TIE1: variants seen among roughly 807,000 people sequenced by gnomAD.
TIE1 encodes the protein tyrosine kinase with immunoglobulin like and EGF like domains 1.
In TIE1, 89 loss-of-function variants were observed where a neutral mutation model predicts 130.5. The ratio of observed to expected loss-of-function variants is 0.68; its 90% confidence interval spans 0.57 to 0.81. TIE1 has a LOEUF of 0.81. TIE1 is among the 40% of genes least tolerant of loss of function. The pLI is 0.00. For synonymous variants in TIE1, 568 were observed against 629.4 expected, an observed-to-expected ratio of 0.90 and a Z score of 1.46; for missense variants, 1,392 against 1,559.8, an observed-to-expected ratio of 0.89 and a Z score of 1.81.
At position 43,313,976 on chromosome 1, in the gene TIE1, ACCCGC is replaced by A. The variant is rs761045357; in HGVS notation, c.2409+17_2409+21del. On this transcript the variant is annotated intron_variant, in intron 14 of 22. Coordinates refer to ENST00000372476, the MANE Select transcript of TIE1 (RefSeq NM_005424.5). The surrounding 1 kb of genome is among the most constrained non-coding windows in gnomAD (Gnocchi z 6.2). ...ACCTACCAGTCAGGCTCGGTCAGTG[ACCCGC>A]CCCGCCCCTGGGTGCATGCTTGCAG... 6 of 1,609,822 alleles carry A rather than the reference ACCCGC, an allele frequency of 3.7e-6. No homozygotes were observed. The Admixed American group carries it at 1.0e-4, about 27-fold the overall frequency.
At chr1:43,308,532 C>T (rs1042025794) in intron 7 of TIE1, among the ~76,000 whole-genome samples, 2 of 142,922 alleles carry the variant, frequency 1.4e-5, no homozygotes, top group Admixed American at 7.0e-5. Flanking sequence ...GAGGTCAAAT[C>T]GTGGGGCCTT....
chr1:43,320,640 CAGG>C (rs1646905117), intron 19 of TIE1: 1 of 152,192 alleles, frequency 6.6e-6, no homozygotes, highest in Non-Finnish European at 1.5e-5. Context: ...ATCACAAGGT[CAGG>C]AGATCGAGAC....
At chr1:43,314,051 C>A (rs1256248970) in intron 14 of TIE1, 83 bp downstream of exon 14, 3 of 1,387,990 alleles carry the variant, frequency 2.2e-6, no homozygotes, top group East Asian at 2.3e-5. Flanking sequence ...ACCTTGTACA[C>A]CTTGTGTGTG....
rs1411513928 is a variant in TIE1, at chr1:43,306,047, C to A, written c.484+704C>A. Among the ~76,000 whole-genome samples the A allele has an allele frequency of 6.6e-6, 1 of 152,142 alleles. No homozygotes were observed. Among genetic ancestry groups the A allele is most frequent in the Non-Finnish European group, 1.5e-5 (1 of 68,022 alleles). ...GAAATGTGAAGAGGCACAGGCAGACCTGGGTCTCTAGGCTCTCTGTTCAGC... is the reference window on the plus strand; with the variant it reads ...GAAATGTGAAGAGGCACAGGCAGACATGGGTCTCTAGGCTCTCTGTTCAGC... On this transcript the variant is annotated intron_variant, in intron 3 of 22. Coordinates refer to ENST00000372476, the MANE Select transcript of TIE1 (RefSeq NM_005424.5). The surrounding 1 kb of genome is among the most constrained non-coding windows in gnomAD (Gnocchi z 4.9).
At position 43,301,421 on chromosome 1, in the gene TIE1, A is replaced by G. The variant is rs142279323; in HGVS notation, c.58+292A>G. Among the ~76,000 whole-genome samples, 263 of 152,052 alleles carry G rather than the reference A, an allele frequency of 1.7e-3. 1 individual carries two copies. Among genetic ancestry groups the G allele is most frequent in the African/African-American group, 6.0e-3 (248 of 41,476 alleles). ...AGGATCAATTGAGGCCAGGAGTTCA[A>G]GACCAGACTGGTCAACATAGTGAGA... On this transcript the variant is annotated intron_variant, in intron 1 of 22. Coordinates refer to ENST00000372476, the MANE Select transcript of TIE1 (RefSeq NM_005424.5).
intron 9 of TIE1, 118 bp from the exon 10 acceptor site, chr1:43,311,553 A>G (rs1646791158): frequency 7.3e-7 from 1 of 1,373,082 alleles, no homozygotes; most frequent in South Asian, 1.4e-5. Context: ...CCTGGCCACT[A>G]TGGTCATCTG....
intron 7 of TIE1, among the ~76,000 whole-genome samples, chr1:43,308,632 A>G (rs765799683): frequency 7.2e-5 from 11 of 152,128 alleles, no homozygotes; most frequent in Non-Finnish European, 1.6e-4. Flanking sequence ...GTGTTGGAGA[A>G]AGGACCCCTA....
At chr1:43,314,982 G>GCAACCTCAGCCATTT (rs60940165) in intron 14 of TIE1, among the ~76,000 whole-genome samples, 1 of 151,934 alleles carries the variant, frequency 6.6e-6, no homozygotes, top group African/African-American at 2.4e-5. Flanking sequence ...GTGCTGGCCT[G>GCAACCTCAGCCATTT]CTCCTTGAAA....
At position 43,317,916 on chromosome 1, in the gene TIE1, C is replaced by T. The variant is rs139360973; in HGVS notation, c.2766C>T (p.Tyr922=). 53 of 1,614,010 alleles carry T rather than the reference C, an allele frequency of 3.3e-5. No individual in the cohort carries two copies. The highest frequency in any genetic ancestry group is 5.3e-5 in the African/African-American group (4 of 74,922). ...ATATCGCTATTGAATATGCCCCCTA[C>T]GGGAACCTGCTAGATTTTCTGCGGA... ...YLYIAIEYAP[Y]GNLLDFLRKS... is the part of the protein sequence containing the mutation. The change falls in exon 17 of 23, where the codon TAC becomes TAT. Residue 922 remains tyrosine, a synonymous_variant. Coordinates refer to ENST00000372476, the MANE Select transcript of TIE1 (RefSeq NM_005424.5). This position sits in a 1 kb window ranked among gnomAD's most constrained non-coding sequence, Gnocchi z 5.1.
In TIE1 at chr1:43,314,945, G is replaced by C. The variant is rs576659314; in HGVS notation, c.2409+977G>C. Among the ~76,000 whole-genome samples the C allele has an allele frequency of 2.6e-5, 4 of 152,182 alleles. No homozygotes were observed. The East Asian group carries it at 7.7e-4, about 29-fold the overall frequency. On this transcript the variant is annotated intron_variant, in intron 14 of 22. Transcript: ENST00000372476. ...CGCTGCCACAACCCCTTCCCACTTA[G>C]ACAACTGTTTCTACCACTCCAGAAT...
At position 43,317,510 on chromosome 1, in the gene TIE1, C is replaced by T; in HGVS notation, c.2621-54C>T. Reference sequence around the variant, plus strand: ...TCCAGCAATTGACCCCAGCCCTTGCCAGCCCTTTCTCCAGAGTTATTTCTG... The same window carrying T: ...TCCAGCAATTGACCCCAGCCCTTGCTAGCCCTTTCTCCAGAGTTATTTCTG... On this transcript the variant is annotated intron_variant, in intron 15 of 22. Transcript: ENST00000372476. The surrounding 1 kb of genome is among the most constrained non-coding windows in gnomAD (Gnocchi z 5.1). 3.1e-6 allele frequency: 5 copies of T among 1,608,578 alleles called. No individual in the cohort carries two copies. The highest frequency in any genetic ancestry group is 4.3e-6 in the Non-Finnish European group (5 of 1,175,044).
rs765038533 is a variant in TIE1, at chr1:43,317,566, T to C, written c.2623T>C (p.Tyr875His). 7 of 1,609,060 alleles carry C rather than the reference T, an allele frequency of 4.4e-6. No homozygotes were observed. The East Asian group carries it at 8.9e-5, about 21-fold the overall frequency. The change falls in exon 16 of 23, where the codon TAT (tyrosine) becomes CAT (histidine). Residue 875 changes from tyrosine to histidine, a missense_variant and splice_region_variant. Physicochemically the swap from Tyr to His is moderately conservative, Grantham distance 83 (BLOSUM62 2). Around this residue, in one of 6 missense-constraint regions of TIE1, gnomAD observed 286 missense variants for 354.4 expected, o/e 0.81. Coordinates refer to ENST00000372476, the MANE Select transcript of TIE1 (RefSeq NM_005424.5). The surrounding 1 kb of genome is among the most constrained non-coding windows in gnomAD (Gnocchi z 5.1). ...MNAAIKMLKE[Y>H]ASENDHRDFA... ...ATAATATTGGATTCTTTACACAGAG[T>C]ATGCCTCTGAAAATGACCATCGTGA...
intron 7 of TIE1, among the ~76,000 whole-genome samples, chr1:43,308,656 G>A (rs1259574036): frequency 1.3e-5 from 2 of 152,194 alleles, no homozygotes; most frequent in Non-Finnish European, 2.9e-5. Context: ...GCTGGCCGGG[G>A]AGCGGGAGCA....
intron 7 of TIE1, among the ~76,000 whole-genome samples, chr1:43,308,178 G>A (rs1227697421): frequency 6.6e-6 from 1 of 152,262 alleles, no homozygotes; most frequent in African/African-American, 2.4e-5. Flanking sequence ...CCCAGAGAAT[G>A]TGGGAGCCCA....
At position 43,313,438 on chromosome 1, in the gene TIE1, G is replaced by T. The variant is rs751480845; in HGVS notation, c.2218+13G>T. The T allele has an allele frequency of 5.0e-6, 8 of 1,613,362 alleles. No homozygotes were observed. Among genetic ancestry groups the T allele is most frequent in the Non-Finnish European group, 6.8e-6 (8 of 1,179,664 alleles). The stretch of plus-strand genomic sequence containing the variant: ...ACCCTGGGCAACGGTGAGAGGGCAG[G>T]GCCCACAGGACCCCCCGGGCTCTGA... On this transcript the variant is annotated intron_variant, in intron 13 of 22. Coordinates refer to ENST00000372476, the MANE Select transcript of TIE1 (RefSeq NM_005424.5). The surrounding 1 kb of genome is among the most constrained non-coding windows in gnomAD (Gnocchi z 6.2).
At position 43,307,592 on chromosome 1, in the gene TIE1, A is replaced by T. The variant is rs1488618273; in HGVS notation, c.913+20A>T. On this transcript the variant is annotated intron_variant, in intron 6 of 22. Transcript: ENST00000372476. The surrounding 1 kb of genome is among the most constrained non-coding windows in gnomAD (Gnocchi z 5.4). ...AAGAAGGTATGCCTAACCTACCCTCATGGTCCCTGACCAAGACAGCTGGCC... is the reference window on the plus strand; with the variant it reads ...AAGAAGGTATGCCTAACCTACCCTCTTGGTCCCTGACCAAGACAGCTGGCC... 6.2e-6 allele frequency: 10 copies of T among 1,613,710 alleles called. No individual in the cohort carries two copies. The Admixed American group carries it at 8.3e-5, about 13-fold the overall frequency.
Position 43,313,528 on chromosome 1 carries a change from G to T in TIE1, c.2218+103G>T, listed in dbSNP as rs556313059. The T allele has an allele frequency of 1.1e-5, 16 of 1,417,372 alleles. No individual in the cohort carries two copies. In the East Asian group the frequency reaches 3.0e-4, roughly 27 times the overall value. 87.8% of individuals were successfully genotyped at this position (1,417,372 alleles called of 1,614,324 possible). ...CTACTGTGGAGCTAGGGCATCCCAGGCCCCTCCTGACAAAGAGTCAGCCCC... is the reference window on the plus strand; with the variant it reads ...CTACTGTGGAGCTAGGGCATCCCAGTCCCCTCCTGACAAAGAGTCAGCCCC... On this transcript the variant is annotated intron_variant, in intron 13 of 22. Coordinates refer to ENST00000372476, the MANE Select transcript of TIE1 (RefSeq NM_005424.5). The surrounding 1 kb of genome is among the most constrained non-coding windows in gnomAD (Gnocchi z 6.2).
Position 43,312,068 on chromosome 1 carries a change from C to T in TIE1, c.1567C>T (p.Arg523Trp), listed in dbSNP as rs761296237. 7.5e-6 allele frequency: 12 copies of T among 1,605,642 alleles called. No individual in the cohort carries two copies. Among genetic ancestry groups the T allele is most frequent in the South Asian group, 5.5e-5 (5 of 90,208 alleles). ...TGYSVRVQLS[R>W]PGEGGEGAWG... ...ATACAGTGTTCGTGTGCAGCTGAGC[C>T]GGCCAGGGGAAGGAGGAGAGGGGGC... Residue 523 changes from arginine (R) to tryptophan (W), a missense_variant, in exon 11 of 23, where the codon CGG (arginine) becomes TGG (tryptophan). Physicochemically the swap from Arg to Trp is moderately radical, Grantham distance 101. This residue lies in a region of TIE1 where 551 missense variants were observed against 565.5 expected (regional missense o/e 0.97). Transcript: ENST00000372476. The surrounding 1 kb of genome is among the most constrained non-coding windows in gnomAD (Gnocchi z 5.6).
In TIE1 at chr1:43,319,287, C is replaced by T; in HGVS notation, c.2975C>T (p.Ala992Val). Reference sequence around the variant, plus strand: ...AATGTGCTGGTCGGAGAGAACCTAGCCTCCAAGATTGCAGACTTCGGCCTT... The same window carrying T: ...AATGTGCTGGTCGGAGAGAACCTAGTCTCCAAGATTGCAGACTTCGGCCTT... ...ARNVLVGENL[A>V]SKIADFGLSR... The change falls in exon 18 of 23, where the codon GCC becomes GTC. Residue 992 changes from alanine (A) to valine (V), a missense_variant. Coordinates refer to ENST00000372476, the MANE Select transcript of TIE1 (RefSeq NM_005424.5). The surrounding 1 kb of genome is among the most constrained non-coding windows in gnomAD (Gnocchi z 4.7). 6.2e-7 allele frequency: 1 copy of T among 1,614,032 alleles called. No individual in the cohort carries two copies. The highest frequency in any genetic ancestry group is 1.3e-5 in the African/African-American group (1 of 75,000).
Sources: allele counts gnomAD v4.1 joint callset (sites outside exome capture counted in the v4.1 genomes callset), GRCh38; gene constraint gnomAD v4.1.1; regional missense constraint gnomAD v4.1.1; non-coding constraint Gnocchi (gnomAD v3.1); transcripts MANE v1.5; gene names NCBI Gene and HGNC (gene_info 2026-07-23, HGNC 2026-07-21).